The following MED16 variants were observed in gnomAD, a reference collection of about 807,000 sequenced individuals.
The protein encoded by MED16 is mediator of RNA polymerase II transcription subunit 16.
MED16 carries 81 observed loss-of-function variants against 84.4 expected under a neutral mutation model. The ratio of observed to expected loss-of-function variants is 0.96; its 90% CI spans 0.80 to 1.15. MED16 has a LOEUF of 1.15. MED16 is among the 50% of genes most tolerant of loss of function. The pLI is 0.00. For synonymous variants in MED16, 897 were observed against 552.2 expected (o/e 1.62, Z -8.76); for missense variants, 1,585 against 1,245.9 (o/e 1.27, Z -4.10).
chr19:885,739 C>G (rs1416868429), intron 5 of MED16, 31 bp downstream of exon 5: 2 of 1,592,544 alleles, frequency 1.3e-6, no homozygotes, highest in Middle Eastern at 1.7e-4. Flanking sequence ...TCCAAGCCTG[C>G]CAGCCCACGT....
At chr19:892,881 A>C (rs375217271) in intron 1 of MED16, 6,092 of 137,242 alleles carry the variant, frequency 0.044, 194 homozygotes, top group East Asian at 0.08. Flanking sequence ...CTGAGCCCCG[A>C]GCCCCGCGCC....
rs183905196 is a variant in MED16 at position 869,091 on chromosome 19, G to A, written c.2316-145C>T. 232 of 713,236 alleles carry A rather than the reference G, an allele frequency of 3.3e-4. 5 individuals carry two copies. In the East Asian group the frequency reaches 4.6e-3, roughly 14 times the overall value. 44.2% of individuals were successfully genotyped at this position (713,236 alleles called of 1,614,324 possible). ...GGGCCCAGATGTCTGTGAACAGTGA[G>A]GTGGGAGGTGCGGGACCACCTGAGA... On this transcript the variant is annotated intron_variant, in intron 13 of 15. Coordinates refer to ENST00000325464, the MANE Select transcript of MED16 (RefSeq NM_005481.3).
Position 886,196 on chromosome 19 carries a change from G to T in MED16, c.453C>A (p.Gly151=). The T allele has an allele frequency of 6.6e-7, 1 of 1,507,154 alleles. No homozygotes were observed. The highest frequency in any genetic ancestry group is 2.1e-5 in the Admixed American group (1 of 47,966). 93.4% of individuals were successfully genotyped at this position (1,507,154 alleles called of 1,614,324 possible). The part of the protein sequence containing the change: ...VKLALHVEKS[G]ASSFGEKFSR... ...AGAACTTCTCCCCGAAGCTGGAGGC[G>T]CCCGACTGTGGAGAAGGGAGGGAGG... is the stretch of plus-strand genomic sequence containing the variant. The change falls in exon 5 of 16, where the codon GGC becomes GGA. Residue 151 remains glycine (G), a synonymous_variant. Transcript: ENST00000325464.
At position 889,555 on chromosome 19, in the gene MED16, G is replaced by A. The variant is rs1340153948; in HGVS notation, c.447+83C>T. On this transcript the variant is annotated intron_variant, in intron 4 of 15. Coordinates refer to ENST00000325464, the MANE Select transcript of MED16 (RefSeq NM_005481.3). ...GTCCAAAAAACCAGGGGATGCTGGT[G>A]ATGGAGAGGAGAGGGGCTGGCGGGT... The A allele has an allele frequency of 6.7e-6, 10 of 1,501,346 alleles. No homozygotes were observed. The African/African-American group carries it at 1.2e-4, about 19-fold the overall frequency. 93.0% of individuals were successfully genotyped at this position (1,501,346 alleles called of 1,614,324 possible). A position where few individuals can be genotyped will look rare whatever the true frequency, so the allele number is the denominator to read the frequency against.
chr19:875,659 G>C (rs2036213686), intron 9 of MED16, among the ~76,000 whole-genome samples: 1 of 152,212 alleles, frequency 6.6e-6, no homozygotes, highest in African/African-American at 2.4e-5. Context: ...TCTCAGCTGG[G>C]AGCGGCTCTG....
intron 12 of MED16, chr19:871,722 G>A (rs902728393): frequency 3.3e-5 from 40 of 1,217,452 alleles, no homozygotes; most frequent in Non-Finnish European, 4.2e-5. Context: ...TTATGTTCTG[G>A]CGGGGGGCTC....
intron 4 of MED16, among the ~76,000 whole-genome samples, chr19:888,486 T>C (rs931401445): frequency 5.6e-5 from 8 of 144,058 alleles, no homozygotes; most frequent in Non-Finnish European, 8.9e-5. Context: ...ATCGCATCAC[T>C]GCACTCCAGC....
intron 6 of MED16, among the ~76,000 whole-genome samples, chr19:883,522 G>GC (rs2145237250): frequency 6.6e-6 from 1 of 152,256 alleles, no homozygotes; most frequent in East Asian, 1.9e-4. Flanking sequence ...AGAGATGGGT[G>GC]CGGTGGGGAC....
chr19:884,531 G>C (rs1021430881), intron 6 of MED16, among the ~76,000 whole-genome samples: 2 of 152,050 alleles, frequency 1.3e-5, no homozygotes, highest in Non-Finnish European at 2.9e-5. Flanking sequence ...GCCCGGTCTG[G>C]CCTGTCCCCT....
chr19:876,895 GGGCCCCA>G, intron 9 of MED16, 72 bp downstream of exon 9: 1 of 1,441,674 alleles, frequency 6.9e-7, no homozygotes. Flanking sequence ...ACCTGCCACG[GGGCCCCA>G]CCTGCCACGG....
At chr19:872,692 C>T (rs1321999851) in intron 11 of MED16, among the ~76,000 whole-genome samples, 1 of 151,466 alleles carries the variant, frequency 6.6e-6, no homozygotes, top group African/African-American at 2.4e-5. Context: ...GTCAGGGGCG[C>T]ACAAGCCGCA....
chr19:887,272 C>T (rs929007541), intron 4 of MED16, among the ~76,000 whole-genome samples: 1 of 152,140 alleles, frequency 6.6e-6, no homozygotes, highest in Non-Finnish European at 1.5e-5. Flanking sequence ...GCCATGGCGA[C>T]GACTCATCTG....
chr19:871,989 T>A lies in MED16; in HGVS notation c.2035A>T (p.Thr679Ser), dbSNP rs763556066. 6.2e-7 allele frequency: 1 copy of A among 1,605,064 alleles called. No individual in the cohort carries two copies. The highest frequency in any genetic ancestry group is 1.1e-5 in the South Asian group (1 of 90,608). ...GACATGCTGTCCTGGGTATCCGAGGTGGCCGTATACACGGGCAGGCAGCTG... is the reference window on the plus strand; with the variant it reads ...GACATGCTGTCCTGGGTATCCGAGGAGGCCGTATACACGGGCAGGCAGCTG... ...KPSCLPVYTATSDTQDSMSLL... is the reference protein window; with the variant it reads ...KPSCLPVYTASSDTQDSMSLL... The change falls in exon 12 of 16, where the codon ACC becomes TCC. Residue 679 changes from threonine (T) to serine (S), a missense_variant. Thr to Ser is a moderately conservative substitution (Grantham distance 58). Transcript: ENST00000325464.
Position 868,872 on chromosome 19 carries a change from G to T in MED16, c.2390C>A (p.Ala797Asp). The change falls in exon 14 of 16, where the codon GCC becomes GAC. Residue 797 changes from alanine (A) to aspartate (D), a missense_variant. Coordinates refer to ENST00000325464, the MANE Select transcript of MED16 (RefSeq NM_005481.3). ...TCCGGGGGCCCCTCACCTGGTGCAG[G>T]CCTTGCATTCCTCCGTGGGGCAAGC... ...LGACPTEECK[A>D]CTRCGCVTML... 1 of 1,549,764 alleles carries T rather than the reference G, an allele frequency of 6.5e-7. No homozygotes were observed. Among genetic ancestry groups the T allele is most frequent in the Non-Finnish European group, 8.7e-7 (1 of 1,149,570 alleles).
intron 5 of MED16, 54 bp from the exon 6 acceptor site, chr19:885,062 C>T (rs1383176385): frequency 6.4e-6 from 9 of 1,404,960 alleles, no homozygotes; most frequent in Non-Finnish European, 8.8e-6. Flanking sequence ...GTGGCCACGC[C>T]ACCACCGGAG....
At position 881,108 on chromosome 19, in the gene MED16, G is replaced by C. The variant is rs374001986; in HGVS notation, c.1141+451C>G. 1.7e-3 allele frequency among the ~76,000 whole-genome samples: 259 copies of C among 152,226 alleles called. 1 individual carries two copies. The highest frequency in any genetic ancestry group is 5.7e-3 in the African/African-American group (235 of 41,536). On this transcript the variant is annotated intron_variant, in intron 7 of 15. Coordinates refer to ENST00000325464, the MANE Select transcript of MED16 (RefSeq NM_005481.3). ...GAAGAACGGGAGCTGGGGGAAGAAA[G>C]GGCCTGAGCTAGGGCCGACTTGTCC...
chr19:889,051 T>TC (rs143513224), intron 4 of MED16, among the ~76,000 whole-genome samples: 18,938 of 90,174 alleles, frequency 0.21, 2,846 homozygotes, highest in Middle Eastern at 0.28. Context: ...CTCTTAACTG[T>TC]CCCCCCCAAC....
At chr19:876,146 T>C (rs186214692) in intron 9 of MED16, among the ~76,000 whole-genome samples, 8 of 152,098 alleles carry the variant, frequency 5.3e-5, no homozygotes, top group South Asian at 4.1e-4. Context: ...ATTTTTTTTT[T>C]CCCATTTTAT....
intron 4 of MED16, among the ~76,000 whole-genome samples, chr19:887,564 G>C (rs1314304246): frequency 6.6e-6 from 1 of 152,068 alleles, no homozygotes; most frequent in African/African-American, 2.4e-5. Flanking sequence ...TACTCGGGAG[G>C]CTGAGGCAGG....
Sources: allele counts gnomAD v4.1 joint callset (sites outside exome capture counted in the v4.1 genomes callset), GRCh38; gene constraint gnomAD v4.1.1; transcripts MANE v1.5; gene names NCBI Gene and HGNC (gene_info 2026-07-23, HGNC 2026-07-21).